The following CNTNAP2 variants were observed in gnomAD, a reference collection of about 807,000 sequenced individuals.
CNTNAP2 encodes the protein contactin-associated protein-like 2.
In CNTNAP2, 98 loss-of-function variants were observed where a neutral mutation model predicts 155.2. That is an observed-to-expected ratio of 0.63 (90% confidence interval 0.54 to 0.75). The LOEUF is 0.75. Among genes scored for constraint, CNTNAP2 ranks in the 30% least tolerant of loss-of-function variants. CNTNAP2 has a pLI of 0.00. For missense variants in CNTNAP2, 1,727 were observed against 1,688.1 expected, an observed-to-expected ratio of 1.02 and a Z score of -0.40; for synonymous variants, 651 against 631.2, an observed-to-expected ratio of 1.03 and a Z score of -0.47.
chr7:147,577,016 G>A (rs1479278831), intron 12 of CNTNAP2, among the ~76,000 whole-genome samples: 2 of 152,208 alleles, frequency 1.3e-5, no homozygotes, highest in Middle Eastern at 3.4e-3. Context: ...TAGCCTATGA[G>A]TTGACTATCC....
Position 147,507,550 on chromosome 7 carries a change from C to CTTTTT in CNTNAP2, c.1777+21530_1777+21534dup, listed in dbSNP as rs3052511. Among the ~76,000 whole-genome samples the CTTTTT allele has an allele frequency of 3.9e-3, 316 of 81,976 alleles. 2 individuals carry two copies. Among genetic ancestry groups the CTTTTT allele is most frequent in the Middle Eastern group, 0.011 (1 of 88 alleles). The allele number at this position is 81,976 out of a possible 152,430, so 53.8% of individuals were successfully genotyped here. On this transcript the variant is annotated intron_variant, in intron 11 of 23. Transcript: ENST00000361727. Reference sequence around the variant, plus strand: ...TATAGAAGTTGCTTTCTCTTTCTTTCTTTTTTTTTTTTTTTTTTTTTTTTT... The same window carrying CTTTTT: ...TATAGAAGTTGCTTTCTCTTTCTTTCTTTTTTTTTTTTTTTTTTTTTTTTTTTTTT...
At chr7:147,950,056 G>A (rs1036406994) in intron 14 of CNTNAP2, among the ~76,000 whole-genome samples, 2 of 152,070 alleles carry the variant, frequency 1.3e-5, no homozygotes, top group African/African-American at 4.8e-5. Context: ...GGGGAGAAAG[G>A]GAATCCATTG....
At chr7:148,338,435 A>C (rs1026270470) in intron 21 of CNTNAP2, among the ~76,000 whole-genome samples, 1 of 152,136 alleles carries the variant, frequency 6.6e-6, no homozygotes, top group African/African-American at 2.4e-5. Context: ...GTCAAGTTAC[A>C]GCTTCCTAAT....
At chr7:147,655,902 T>C (rs538414907) in intron 13 of CNTNAP2, among the ~76,000 whole-genome samples, 6 of 152,386 alleles carry the variant, frequency 3.9e-5, no homozygotes, top group African/African-American at 1.2e-4. Flanking sequence ...AATAGAAAGA[T>C]GTTTCATCTA....
chr7:146,851,001 T>C (rs1794867778), intron 3 of CNTNAP2, among the ~76,000 whole-genome samples: 1 of 152,170 alleles, frequency 6.6e-6, no homozygotes, highest in South Asian at 2.1e-4. Flanking sequence ...TTTTATTTTT[T>C]TGAAACAGAG....
chr7:148,172,688 G>A (rs908013056), intron 18 of CNTNAP2, among the ~76,000 whole-genome samples: 3 of 152,172 alleles, frequency 2.0e-5, no homozygotes, highest in South Asian at 2.1e-4. Flanking sequence ...TGTGTATGGT[G>A]CAGAATTTCT....
At chr7:146,426,998 G>GA (rs780076260) in intron 1 of CNTNAP2, among the ~76,000 whole-genome samples, 1 of 151,784 alleles carries the variant, frequency 6.6e-6, no homozygotes, top group Non-Finnish European at 1.5e-5. Context: ...ACTTGTCAAT[G>GA]AAAAAAACTG....
rs560539202 is a variant in CNTNAP2, at chr7:147,905,339, A to G, written c.2255+1618A>G. Among the ~76,000 whole-genome samples the G allele has an allele frequency of 2.0e-5, 3 of 152,342 alleles. No homozygotes were observed. In the South Asian group the frequency reaches 6.2e-4, roughly 32 times the overall value. On this transcript the variant is annotated intron_variant, in intron 14 of 23. Transcript: ENST00000361727. ...TCCAGGCAGCCCAGAGTGCCCTGCC[A>G]CCATCACCTTGTCCCACCACAGAGG...
At chr7:147,180,798 G>C (rs1157781458) in intron 8 of CNTNAP2, among the ~76,000 whole-genome samples, 1 of 151,846 alleles carries the variant, frequency 6.6e-6, no homozygotes, top group African/African-American at 2.4e-5. Flanking sequence ...TCAAATTAGT[G>C]GAATAAAAAT....
At chr7:148,256,969 G>A (rs1301089360) in intron 20 of CNTNAP2, among the ~76,000 whole-genome samples, 2 of 152,196 alleles carry the variant, frequency 1.3e-5, no homozygotes, top group Admixed American at 6.5e-5. Context: ...GAGTGGTTTA[G>A]AGAATAATTC....
intron 1 of CNTNAP2, among the ~76,000 whole-genome samples, chr7:146,302,487 G>C (rs1042535571): frequency 6.6e-6 from 1 of 152,112 alleles, no homozygotes; most frequent in African/African-American, 2.4e-5. Flanking sequence ...AGTATTAAAT[G>C]CCTGATGTAT....
intron 18 of CNTNAP2, among the ~76,000 whole-genome samples, chr7:148,181,335 G>T (rs755423738): frequency 6.6e-6 from 1 of 152,038 alleles, no homozygotes; most frequent in Admixed American, 6.6e-5. Flanking sequence ...AAAATAATCT[G>T]ATTAAAAGCT....
intron 1 of CNTNAP2, among the ~76,000 whole-genome samples, chr7:146,342,914 G>T (rs548624381): frequency 1.3e-5 from 2 of 152,178 alleles, no homozygotes; most frequent in African/African-American, 4.8e-5. Flanking sequence ...TGTAACTGCA[G>T]AATTAGAATG....
At chr7:146,843,630 G>A (rs575483432) in intron 3 of CNTNAP2, among the ~76,000 whole-genome samples, 25 of 147,222 alleles carry the variant, frequency 1.7e-4, no homozygotes, top group Admixed American at 4.1e-4. Context: ...ATCCTTTGAC[G>A]TATTCTAAAA....
intron 1 of CNTNAP2, among the ~76,000 whole-genome samples, chr7:146,308,615 T>C (rs1279724570): frequency 1.3e-5 from 2 of 152,042 alleles, no homozygotes; most frequent in East Asian, 3.9e-4. Context: ...TAAGAAAATG[T>C]GGCACATATA....
chr7:147,806,567 A>G (rs1798095358), intron 13 of CNTNAP2, among the ~76,000 whole-genome samples: 1 of 152,240 alleles, frequency 6.6e-6, no homozygotes, highest in East Asian at 1.9e-4. Context: ...TTGCAGCACT[A>G]TTTGCAGTAG....
intron 18 of CNTNAP2, among the ~76,000 whole-genome samples, chr7:148,173,327 C>T (rs1388545338): frequency 1.3e-5 from 2 of 152,222 alleles, no homozygotes; most frequent in African/African-American, 4.8e-5. Context: ...ATGTAAATCA[C>T]TCCTCTCTTT....
At chr7:148,063,279 C>T (rs551709746) in intron 15 of CNTNAP2, among the ~76,000 whole-genome samples, 332 of 152,014 alleles carry the variant, frequency 2.2e-3, no homozygotes, top group Non-Finnish European at 3.1e-3. Flanking sequence ...TAAGAATGGC[C>T]TTATGATATA....
chr7:147,704,810 G>T (rs1345104629), intron 13 of CNTNAP2, among the ~76,000 whole-genome samples: 1 of 152,088 alleles, frequency 6.6e-6, no homozygotes, highest in Non-Finnish European at 1.5e-5. Context: ...ATCTTGATAG[G>T]TTGTGTCCAG....
Sources: allele counts gnomAD v4.1 joint callset (sites outside exome capture counted in the v4.1 genomes callset), GRCh38; gene constraint gnomAD v4.1.1; transcripts MANE v1.5; gene names NCBI Gene and HGNC (gene_info 2026-07-23, HGNC 2026-07-21).